POU2F3: variants seen among roughly 807,000 people sequenced by gnomAD.
POU2F3 encodes the protein POU class 2 homeobox 3.
In POU2F3, 23 loss-of-function variants were observed where a neutral mutation model predicts 59.2. That is an observed-to-expected ratio of 0.39 (90% confidence interval 0.28 to 0.55). POU2F3 has a LOEUF of 0.55. Ranked by LOEUF, POU2F3 falls within the 20% of genes least tolerant of loss-of-function variation. The probability of loss-of-function intolerance (pLI) is 0.66; values close to 1 mark genes in which losing one functional copy is unlikely to be tolerated. For missense variants in POU2F3, 473 were observed against 544.5 expected (o/e 0.87, Z 1.31); for synonymous variants, 190 against 214.6 (o/e 0.89, Z 1.00).
intron 3 of POU2F3, among the ~76,000 whole-genome samples, chr11:120,274,102 AG>A (rs1331378727): frequency 7.3e-4 from 64 of 87,728 alleles, no homozygotes; most frequent in African/African-American, 3.0e-3. Flanking sequence ...GAAGGAAGGA[AG>A]GAAGAAAGGA....
intron 2 of POU2F3, among the ~76,000 whole-genome samples, chr11:120,260,592 T>C (rs1939552808): frequency 6.6e-6 from 1 of 152,230 alleles, no homozygotes; most frequent in Non-Finnish European, 1.5e-5. Context: ...GATCACTTAA[T>C]TCAAATTCTG....
At chr11:120,270,094 C>T (rs527872072) in intron 3 of POU2F3, among the ~76,000 whole-genome samples, 9 of 152,196 alleles carry the variant, frequency 5.9e-5, no homozygotes, top group African/African-American at 9.6e-5. Context: ...CCTGGGTTTT[C>T]GTCCCATTTC....
chr11:120,296,334 C>A (rs1357895780), intron 3 of POU2F3, among the ~76,000 whole-genome samples: 3 of 152,222 alleles, frequency 2.0e-5, no homozygotes, highest in African/African-American at 7.2e-5. Context: ...GACATTAGCT[C>A]CCTCCTCAGT....
intron 3 of POU2F3, among the ~76,000 whole-genome samples, chr11:120,294,225 C>A (rs1941120867): frequency 6.6e-6 from 1 of 152,216 alleles, no homozygotes; most frequent in South Asian, 2.1e-4. Flanking sequence ...CAGTGTAATA[C>A]CTTTGCACAG....
At chr11:120,260,777 A>T (rs187685835) in intron 2 of POU2F3, among the ~76,000 whole-genome samples, 2 of 152,236 alleles carry the variant, frequency 1.3e-5, no homozygotes, top group East Asian at 3.9e-4. Context: ...TCCGAGTTTG[A>T]GATGCCAGAA....
chr11:120,280,546 C>T (rs1416151365), intron 3 of POU2F3, among the ~76,000 whole-genome samples: 1 of 152,102 alleles, frequency 6.6e-6, no homozygotes, highest in Non-Finnish European at 1.5e-5. Context: ...CAAGGTGGAG[C>T]TCAGATGTAA....
At chr11:120,248,835 C>G (rs1938976614) in intron 2 of POU2F3, among the ~76,000 whole-genome samples, 1 of 152,200 alleles carries the variant, frequency 6.6e-6, no homozygotes, top group Non-Finnish European at 1.5e-5. Context: ...TTATGAGTCA[C>G]AATGGTTACC....
chr11:120,296,572 C>A (rs1347947702), intron 3 of POU2F3, among the ~76,000 whole-genome samples: 1 of 152,140 alleles, frequency 6.6e-6, no homozygotes. Flanking sequence ...TACCCTCCAA[C>A]AGGCCCCAGT....
At chr11:120,264,618 A>G (rs1394522943) in intron 2 of POU2F3, among the ~76,000 whole-genome samples, 3 of 152,208 alleles carry the variant, frequency 2.0e-5, no homozygotes, top group Non-Finnish European at 4.4e-5. Flanking sequence ...TCTGCAGTTT[A>G]GAAGCCTAGC....
intron 2 of POU2F3, among the ~76,000 whole-genome samples, chr11:120,252,556 T>C (rs1939154673): frequency 6.6e-6 from 1 of 152,144 alleles, no homozygotes; most frequent in Non-Finnish European, 1.5e-5. Context: ...GTTTCTGCTT[T>C]CTGTGACAGG....
At chr11:120,282,603 T>A (rs1286586176) in intron 3 of POU2F3, among the ~76,000 whole-genome samples, 2 of 151,932 alleles carry the variant, frequency 1.3e-5, no homozygotes, top group Non-Finnish European at 2.9e-5. Context: ...TTGCAGTGAG[T>A]CAAGATAGCA....
intron 10 of POU2F3, among the ~76,000 whole-genome samples, chr11:120,312,445 C>A (rs1841658151): frequency 6.6e-6 from 1 of 152,126 alleles, no homozygotes; most frequent in South Asian, 2.1e-4. Flanking sequence ...ATTATAAAAC[C>A]ACATGATGCA....
rs1938598341 is a variant in POU2F3 at position 120,240,146 on chromosome 11, G to A, written c.-198G>A. 1.7e-5 allele frequency: 20 copies of A among 1,194,564 alleles called. No homozygotes were observed. Among genetic ancestry groups the A allele is most frequent in the Admixed American group, 4.5e-5 (1 of 22,186 alleles). The allele number at this position is 1,194,564 out of a possible 1,614,324, so 74.0% of individuals were successfully genotyped here. ...GCCGCGTGCTCACCTGGGGAGTGTG[G>A]CAATCCTGGCGGCGCCGAGTGTTGC... On this transcript the variant is annotated 5_prime_UTR_variant, in exon 1 of 13. Transcript: ENST00000543440.
intron 2 of POU2F3, among the ~76,000 whole-genome samples, chr11:120,251,398 T>C (rs1386036682): frequency 3.3e-5 from 5 of 152,262 alleles, no homozygotes; most frequent in Non-Finnish European, 7.3e-5. Context: ...ATTTGTATGA[T>C]GGAGTACAAT....
At chr11:120,276,653 T>G (rs1490095729) in intron 3 of POU2F3, among the ~76,000 whole-genome samples, 1 of 152,160 alleles carries the variant, frequency 6.6e-6, no homozygotes, top group Non-Finnish European at 1.5e-5. Context: ...GCAGTACAGC[T>G]GGGTTTTCAG....
In POU2F3 at chr11:120,307,705, C is replaced by T. The variant is rs11217810; in HGVS notation, c.906+90C>T. 44,131 of 1,508,288 alleles carry T rather than the reference C, an allele frequency of 0.029. 9,595 individuals are homozygous for T. In the East Asian group the frequency reaches 0.6, roughly 21 times the overall value. The allele number at this position is 1,508,288 out of a possible 1,614,324, so 93.4% of individuals were successfully genotyped here. A position where few individuals can be genotyped will look rare whatever the true frequency, so the allele number is the denominator to read the frequency against. On this transcript the variant is annotated intron_variant, in intron 9 of 12. Coordinates refer to ENST00000543440, the MANE Select transcript of POU2F3 (RefSeq NM_014352.4). ...CCCAGGCCCCTTGGCACCAGCCCCT[C>T]CGCACCTCACACCTGCTCTGGGACA...
intron 1 of POU2F3, among the ~76,000 whole-genome samples, chr11:120,242,666 C>A (rs1938714246): frequency 6.6e-6 from 1 of 152,304 alleles, no homozygotes; most frequent in Admixed American, 6.5e-5. Context: ...ACTCCAAGGG[C>A]TCCACTCGCA....
chr11:120,255,852 C>G (rs781746879), intron 2 of POU2F3, among the ~76,000 whole-genome samples: 81 of 152,182 alleles, frequency 5.3e-4, no homozygotes, highest in Admixed American at 1.7e-3. Flanking sequence ...AATTCTGGGG[C>G]TGGGTTCATG....
intron 1 of POU2F3, among the ~76,000 whole-genome samples, chr11:120,241,544 G>A (rs1261283098): frequency 2.0e-5 from 3 of 152,230 alleles, no homozygotes; most frequent in Non-Finnish European, 4.4e-5. Flanking sequence ...AAGGCTAGGT[G>A]AGGCGGAAGA....
Sources: allele counts gnomAD v4.1 joint callset (sites outside exome capture counted in the v4.1 genomes callset), GRCh38; gene constraint gnomAD v4.1.1; transcripts MANE v1.5; gene names NCBI Gene and HGNC (gene_info 2026-07-23, HGNC 2026-07-21).